The following FRMD3 variants were observed in gnomAD, a reference collection of about 807,000 sequenced individuals.
FRMD3 encodes the protein FERM domain containing 3.
A neutral mutation model predicts 70.2 loss-of-function variants in FRMD3; 33 were observed. The ratio of observed to expected loss-of-function variants is 0.47; its 90% CI spans 0.36 to 0.63. The LOEUF is 0.63. FRMD3 is among the 20% of genes least tolerant of loss of function. The pLI is 0.00. For synonymous variants in FRMD3, 279 were observed against 255.9 expected (o/e 1.09, Z -0.86); for missense variants, 632 against 711.4 (o/e 0.89, Z 1.27).
In FRMD3 at chr9:83,536,953, A is replaced by AAAAAAAAAAAAAAAAAG. The variant is rs1564121093; in HGVS notation, c.147+1131_147+1132insCTTTTTTTTTTTTTTTT. Among the ~76,000 whole-genome samples, 10 of 146,900 alleles carry AAAAAAAAAAAAAAAAAG rather than the reference A, an allele frequency of 6.8e-5. 1 individual carries two copies. Among genetic ancestry groups the AAAAAAAAAAAAAAAAAG allele is most frequent in the African/African-American group, 2.5e-4 (10 of 39,604 alleles). ...ACTAAAAAAAAAAAAAAAAAAAAAA[A>AAAAAAAAAAAAAAAAAG]GCTCAGTCCCAGAGCCTCAAGACTC... On this transcript the variant is annotated intron_variant, in intron 1 of 13. Coordinates refer to ENST00000304195, the MANE Select transcript of FRMD3 (RefSeq NM_174938.6).
At position 83,316,236 on chromosome 9, in the gene FRMD3, G is replaced by T. The variant is rs139921222; in HGVS notation, c.597-2489C>A. Among the ~76,000 whole-genome samples the T allele has an allele frequency of 5.8e-5, 8 of 138,076 alleles. No homozygotes were observed. The East Asian group carries it at 1.5e-3, about 25-fold the overall frequency. The allele number at this position is 138,076 out of a possible 152,430, so 90.6% of individuals were successfully genotyped here. ...TGCAGTGGTGCAATCTCAGCTCACT[G>T]CAACCTCTGCCTCCCAGGTTCAAAT... is the stretch of plus-strand genomic sequence containing the variant. On this transcript the variant is annotated intron_variant, in intron 6 of 13. Transcript: ENST00000304195.
At chr9:83,243,158 A>G (rs2118421475), downstream of FRMD3, 2 of 1,547,304 alleles carry the variant, frequency 1.3e-6, no homozygotes. Context: ...ATGGAGAGCC[A>G]AGTCTTGGCT....
intron 1 of FRMD3, among the ~76,000 whole-genome samples, chr9:83,434,895 C>T (rs189899602): frequency 0.011 from 1,553 of 138,040 alleles, 30 homozygotes; most frequent in African/African-American, 0.039. Context: ...GGCACGATCT[C>T]GGCTCACTGC....
In FRMD3 at chr9:83,245,339, C is replaced by A; in HGVS notation, c.*2579G>T. The A allele has an allele frequency of 1.0e-6, 1 of 985,390 alleles. No homozygotes were observed. The highest frequency in any genetic ancestry group is 1.2e-6 in the Non-Finnish European group (1 of 829,908). The allele number at this position is 985,390 out of a possible 1,614,324, so 61.0% of individuals were successfully genotyped here. ...TTCGATTCAGGCAACTGGTGACTAT[C>A]TTCTAACAAAACTTAAATGGATGTT... On this transcript the variant is annotated 3_prime_UTR_variant, in exon 14 of 14. Transcript: ENST00000304195.
Position 83,456,311 on chromosome 9 carries a change from C to T in FRMD3, c.148-66603G>A, listed in dbSNP as rs144638000. On this transcript the variant is annotated intron_variant, in intron 1 of 13. Coordinates refer to ENST00000304195, the MANE Select transcript of FRMD3 (RefSeq NM_174938.6). ...GTGCCATGCTTGATTTAGCCTATTT[C>T]GTTTATGGAGAGGTTGTTTTCAAAT... Among the ~76,000 whole-genome samples, 606 of 152,226 alleles carry T rather than the reference C, an allele frequency of 4.0e-3. 3 individuals carry two copies. Among genetic ancestry groups the T allele is most frequent in the Non-Finnish European group, 6.4e-3 (434 of 68,024 alleles).
At chr9:83,297,077 T>A (rs1390474052) in intron 12 of FRMD3, among the ~76,000 whole-genome samples, 1 of 152,172 alleles carries the variant, frequency 6.6e-6, no homozygotes, top group Admixed American at 6.5e-5. Flanking sequence ...AGAGAAGCAT[T>A]TAAAAAAATT....
At chr9:83,331,933 A>C (rs1021447359) in intron 6 of FRMD3, 1 of 713,594 alleles carries the variant, frequency 1.4e-6, no homozygotes, top group Non-Finnish European at 2.6e-6. Context: ...TGTAAGCAGA[A>C]GTGCTATGAA....
chr9:83,471,277 T>C (rs1828261800), intron 1 of FRMD3, among the ~76,000 whole-genome samples: 1 of 152,164 alleles, frequency 6.6e-6, no homozygotes, highest in African/African-American at 2.4e-5. Context: ...ATTGAAACAT[T>C]CTGGGCAACT....
the FRMD3 span, among the ~76,000 whole-genome samples, chr9:83,565,442 T>C: frequency 6.6e-6 from 1 of 152,168 alleles, no homozygotes; most frequent in Non-Finnish European, 1.5e-5. Context: ...AGCTGAAACA[T>C]AAGGAAGCCA....
chr9:83,428,187 G>A (rs1826866868), intron 1 of FRMD3, among the ~76,000 whole-genome samples: 1 of 152,122 alleles, frequency 6.6e-6, no homozygotes. Context: ...GACTAGCCTG[G>A]TCAACATAGT....
At chr9:83,534,163 G>C (rs1486901862) in intron 1 of FRMD3, among the ~76,000 whole-genome samples, 1 of 152,110 alleles carries the variant, frequency 6.6e-6, no homozygotes, top group Non-Finnish European at 1.5e-5. Context: ...CCTTCCCCAG[G>C]CCTCTGTCTT....
chr9:83,349,220 T>C (rs1824063224), intron 4 of FRMD3, among the ~76,000 whole-genome samples: 2 of 151,334 alleles, frequency 1.3e-5, no homozygotes, highest in Admixed American at 1.3e-4. Context: ...CTGAGAAGAG[T>C]CTGAGTGGAG....
intron 1 of FRMD3, among the ~76,000 whole-genome samples, chr9:83,431,880 A>G (rs562685688): frequency 6.6e-6 from 1 of 152,178 alleles, no homozygotes; most frequent in South Asian, 2.1e-4. Flanking sequence ...TCACTAACTC[A>G]TAAACATGCT....
Position 83,443,746 on chromosome 9 carries a change from C to T in FRMD3, c.148-54038G>A, listed in dbSNP as rs571517331. On this transcript the variant is annotated intron_variant, in intron 1 of 13. Coordinates refer to ENST00000304195, the MANE Select transcript of FRMD3 (RefSeq NM_174938.6). ...CCCCCACAATTGTTGAAGCAGTCTA[C>T]ACTCCCACCAACAGTGTAAAAGCGC... 2.4e-3 allele frequency among the ~76,000 whole-genome samples: 362 copies of T among 152,288 alleles called. 1 individual carries two copies. The highest frequency in any genetic ancestry group is 8.3e-3 in the African/African-American group (343 of 41,560).
intron 5 of FRMD3, among the ~76,000 whole-genome samples, chr9:83,342,400 T>G (rs1823791471): frequency 6.6e-6 from 1 of 152,190 alleles, no homozygotes; most frequent in Admixed American, 6.5e-5. Flanking sequence ...CCTGGCCTGG[T>G]GCAGAGTGGT....
chr9:83,451,734 T>C (rs1379225824), intron 1 of FRMD3, among the ~76,000 whole-genome samples: 1 of 152,116 alleles, frequency 6.6e-6, no homozygotes, highest in Non-Finnish European at 1.5e-5. Context: ...AGAGGACCAG[T>C]CCCAGCCAAG....
intron 1 of FRMD3, among the ~76,000 whole-genome samples, chr9:83,502,747 T>C (rs1175688596): frequency 6.6e-6 from 1 of 152,178 alleles, no homozygotes; most frequent in Non-Finnish European, 1.5e-5. Context: ...GCCCTCATAA[T>C]TTTAGCTTTA....
Position 83,247,759 on chromosome 9 carries a change from G to A in FRMD3, c.*159C>T. The A allele has an allele frequency of 1.4e-6, 2 of 1,465,670 alleles. No individual in the cohort carries two copies. The highest frequency in any genetic ancestry group is 1.8e-6 in the Non-Finnish European group (2 of 1,112,548). 90.8% of individuals were successfully genotyped at this position (1,465,670 alleles called of 1,614,324 possible). A position where few individuals can be genotyped will look rare whatever the true frequency, so the allele number is the denominator to read the frequency against. On this transcript the variant is annotated 3_prime_UTR_variant, in exon 14 of 14. Coordinates refer to ENST00000304195, the MANE Select transcript of FRMD3 (RefSeq NM_174938.6). ...CTGTATTTGATTTAAACTTATTTAA[G>A]TGCAGTGAATTATGGAAAGCTAACT...
intron 1 of FRMD3, among the ~76,000 whole-genome samples, chr9:83,507,681 A>AAAAAATATAT (rs1829218646): frequency 2.5e-5 from 2 of 79,078 alleles, no homozygotes; most frequent in Non-Finnish European, 4.8e-5. Context: ...AACAAAAAAA[A>AAAAAATATAT]ATATACATAC....
Sources: allele counts gnomAD v4.1 joint callset (sites outside exome capture counted in the v4.1 genomes callset), GRCh38; gene constraint gnomAD v4.1.1; transcripts MANE v1.5; gene names NCBI Gene and HGNC (gene_info 2026-07-23, HGNC 2026-07-21).